The following SDK1 variants were observed in gnomAD, a reference collection of about 807,000 sequenced individuals.
SDK1 encodes protein sidekick-1.
Under a neutral mutation model 245.5 loss-of-function variants are expected in SDK1, and 157 were observed. The observed-to-expected ratio is 0.64, with a 90% CI of 0.56 to 0.73. SDK1 has a LOEUF of 0.73. Among genes scored for constraint, SDK1 ranks in the 30% least tolerant of loss-of-function variants. SDK1 has a pLI of 0.00. For missense variants in SDK1, 3,583 were observed against 3,002.3 expected, an observed-to-expected ratio of 1.19 and a Z score of -4.52; for synonymous variants, 1,647 against 1,278.5, an observed-to-expected ratio of 1.29 and a Z score of -6.15.
intron 19 of SDK1, among the ~76,000 whole-genome samples, chr7:4,066,408 G>A (rs1043440332): frequency 1.3e-5 from 2 of 152,202 alleles, no homozygotes; most frequent in African/African-American, 4.8e-5. Context: ...TAGGGAATGG[G>A]AGTGCACTGT....
chr7:3,958,985 A>G lies in SDK1; in HGVS notation c.1205A>G (p.Glu402Gly). The change falls in exon 8 of 45, where the codon GAA becomes GGA. Residue 402 changes from glutamate (E) to glycine (G), a missense_variant. Coordinates refer to ENST00000404826, the MANE Select transcript of SDK1 (RefSeq NM_152744.4). Reference protein sequence around the residue: ...PESRISAEVEETVDIGCQAMG... With the variant: ...PESRISAEVEGTVDIGCQAMG... ...AGTCGGATTTCAGCTGAAGTAGAAG[A>G]AACTGTGGACATCGGATGTCAAGCC... The G allele has an allele frequency of 1.9e-6, 3 of 1,614,052 alleles. No individual in the cohort carries two copies. Among genetic ancestry groups the G allele is most frequent in the Non-Finnish European group, 2.5e-6 (3 of 1,179,956 alleles).
intron 40 of SDK1, among the ~76,000 whole-genome samples, chr7:4,226,232 G>A (rs1785437230): frequency 6.6e-6 from 1 of 152,186 alleles, no homozygotes; most frequent in Non-Finnish European, 1.5e-5. Context: ...GTATTGGGAG[G>A]GGCCACACAG....
In SDK1 at chr7:4,208,295, A is replaced by G; in HGVS notation, c.5401+10A>G. On this transcript the variant is annotated intron_variant, in intron 37 of 44. Transcript: ENST00000404826. ...CGCACCCACCAGGCCGGTAGGAGGA[A>G]GGCGGGTTTCCTTTGGGCAGGCCTC... 3 of 1,611,130 alleles carry G rather than the reference A, an allele frequency of 1.9e-6. No homozygotes were observed. Among genetic ancestry groups the G allele is most frequent in the African/African-American group, 2.7e-5 (2 of 74,918 alleles).
chr7:3,646,222 T>C (rs922607021), intron 4 of SDK1, among the ~76,000 whole-genome samples: 1 of 152,192 alleles, frequency 6.6e-6, no homozygotes, highest in African/African-American at 2.4e-5. Flanking sequence ...CTTTGTCATG[T>C]GGTGAAAGCA....
intron 1 of SDK1, among the ~76,000 whole-genome samples, chr7:3,434,299 A>G (rs1480547980): frequency 2.0e-5 from 3 of 152,208 alleles, no homozygotes; most frequent in Non-Finnish European, 4.4e-5. Flanking sequence ...TTTTTCTTTC[A>G]TCAGGAGCCT....
intron 42 of SDK1, 34 bp downstream of exon 42, chr7:4,237,818 G>C: frequency 1.2e-6 from 2 of 1,612,068 alleles, no homozygotes; most frequent in South Asian, 1.1e-5. Flanking sequence ...CGTGTCCCAC[G>C]ATGCCACTCA....
chr7:3,709,500 T>C (rs1387573946), intron 4 of SDK1, among the ~76,000 whole-genome samples: 3 of 152,250 alleles, frequency 2.0e-5, no homozygotes, highest in South Asian at 2.1e-4. Flanking sequence ...CCCACTGTCA[T>C]ACTCACAGTT....
chr7:3,718,849 A>G (rs910434143), intron 4 of SDK1, among the ~76,000 whole-genome samples: 9 of 152,202 alleles, frequency 5.9e-5, no homozygotes, highest in African/African-American at 2.2e-4. Flanking sequence ...TTATTTGTGG[A>G]TGACATTATT....
intron 4 of SDK1, among the ~76,000 whole-genome samples, chr7:3,664,950 C>A (rs182286329): frequency 4.6e-5 from 7 of 152,114 alleles, no homozygotes; most frequent in Non-Finnish European, 1.0e-4. Flanking sequence ...TCCAGAGGAA[C>A]AGATGTGACC....
At chr7:3,781,517 T>C (rs183637162) in intron 4 of SDK1, among the ~76,000 whole-genome samples, 36 of 152,222 alleles carry the variant, frequency 2.4e-4, no homozygotes, top group African/African-American at 8.7e-4. Flanking sequence ...TTACAATGAC[T>C]CAAGGGAATC....
At chr7:3,527,394 G>A (rs1462203615) in intron 1 of SDK1, among the ~76,000 whole-genome samples, 3 of 152,148 alleles carry the variant, frequency 2.0e-5, no homozygotes, top group Admixed American at 6.5e-5. Flanking sequence ...GTCATGGAAG[G>A]CCTTTTGGGG....
At chr7:3,591,022 A>G (rs1443894427) in intron 1 of SDK1, among the ~76,000 whole-genome samples, 2 of 152,124 alleles carry the variant, frequency 1.3e-5, no homozygotes, top group African/African-American at 4.8e-5. Context: ...AAAACTCCCC[A>G]GGAGATCCTA....
rs562024259 is a variant in SDK1, at chr7:3,951,969, C to T, written c.1150+49C>T. On this transcript the variant is annotated intron_variant, in intron 7 of 44. Coordinates refer to ENST00000404826, the MANE Select transcript of SDK1 (RefSeq NM_152744.4). ...TGTTGCCAGCATCTCAGATAGCATC[C>T]GACACTGACTCTTCTGCAGAAACAA... 6.4e-5 allele frequency: 96 copies of T among 1,504,140 alleles called. 2 individuals carry two copies. The South Asian group carries it at 7.4e-4, about 12-fold the overall frequency. 93.2% of individuals were successfully genotyped at this position (1,504,140 alleles called of 1,614,324 possible). A position where few individuals can be genotyped will look rare whatever the true frequency, so the allele number is the denominator to read the frequency against.
intron 11 of SDK1, 85 bp downstream of exon 11, chr7:3,969,509 C>T: frequency 4.9e-6 from 5 of 1,019,822 alleles, no homozygotes; most frequent in Non-Finnish European, 6.7e-6. Flanking sequence ...TGTCAGCATG[C>T]CCTTGGGCTT....
rs539493362 is a variant in SDK1 at position 4,170,243 on chromosome 7, T to A, written c.4801-3979T>A. Among the ~76,000 whole-genome samples, 6 of 152,260 alleles carry A rather than the reference T, an allele frequency of 3.9e-5. No individual in the cohort carries two copies. The South Asian group carries it at 6.2e-4, about 16-fold the overall frequency. ...TGCAGGATCACCTAAGCCCAGTAGT[T>A]CGAGACCAGCCTGGGCAACATGGTG... is the stretch of plus-strand genomic sequence containing the variant. On this transcript the variant is annotated intron_variant, in intron 32 of 44. Coordinates refer to ENST00000404826, the MANE Select transcript of SDK1 (RefSeq NM_152744.4).
At chr7:3,607,848 A>G (rs1781469967) in intron 1 of SDK1, among the ~76,000 whole-genome samples, 1 of 152,252 alleles carries the variant, frequency 6.6e-6, no homozygotes, top group Non-Finnish European at 1.5e-5. Flanking sequence ...TGGCGTAAGC[A>G]TTCTGCACAC....
At chr7:3,806,371 T>C (rs772502281) in intron 4 of SDK1, among the ~76,000 whole-genome samples, 39 of 109,970 alleles carry the variant, frequency 3.5e-4, no homozygotes, top group Middle Eastern at 4.0e-3. Context: ...AGGATGTGGA[T>C]GTCCACATTA....
chr7:3,909,396 G>A (rs186557200), intron 5 of SDK1, among the ~76,000 whole-genome samples: 107 of 152,324 alleles, frequency 7.0e-4, no homozygotes, highest in African/African-American at 2.4e-3. Flanking sequence ...CTGTGGAGCA[G>A]GGGTGGGTGG....
intron 37 of SDK1, among the ~76,000 whole-genome samples, chr7:4,209,407 A>G (rs868324955): frequency 3.3e-5 from 5 of 152,172 alleles, no homozygotes; most frequent in Middle Eastern, 6.8e-3. Flanking sequence ...CCCACCTTAC[A>G]CGGCGCCCGG....
Sources: allele counts gnomAD v4.1 joint callset (sites outside exome capture counted in the v4.1 genomes callset), GRCh38; gene constraint gnomAD v4.1.1; transcripts MANE v1.5; gene names NCBI Gene and HGNC (gene_info 2026-07-23, HGNC 2026-07-21).